GGT1: variants seen among roughly 807,000 people sequenced by gnomAD.
The protein encoded by GGT1 is gamma-glutamyltransferase 1.
In GGT1, 21 loss-of-function variants were observed where a neutral mutation model predicts 56.0. The ratio of observed to expected loss-of-function variants is 0.38; its 90% CI spans 0.27 to 0.54. The LOEUF (loss-of-function observed/expected upper bound fraction) is 0.54. Ranked by LOEUF, GGT1 falls within the 20% of genes least tolerant of loss-of-function variation. The pLI is 0.82. For synonymous variants in GGT1, 238 were observed against 342.6 expected, an observed-to-expected ratio of 0.69 and a Z score of 3.37; for missense variants, 466 against 787.0, an observed-to-expected ratio of 0.59 and a Z score of 4.88.
intron 4 of GGT1, among the ~76,000 whole-genome samples, 170 bp from the exon 5 acceptor site, chr22:24,610,905 T>C (rs910167471): frequency 6.6e-6 from 1 of 151,634 alleles, no homozygotes; most frequent in African/African-American, 2.4e-5. Context: ...GCAGAGGGCA[T>C]GGCCTGCGCA....
chr22:24,588,726 A>G, the GGT1 span: 5 of 1,060,934 alleles, frequency 4.7e-6, no homozygotes, highest in Non-Finnish European at 5.7e-6. Context: ...GCCGTGCTCC[A>G]CTGACGCCAA....
At chr22:24,606,393 A>G (rs185111400) in intron 1 of GGT1, among the ~76,000 whole-genome samples, 24 of 152,066 alleles carry the variant, frequency 1.6e-4, no homozygotes, top group Middle Eastern at 3.4e-3. Context: ...CATGTCTTAT[A>G]TGCTCTCAGG....
At position 24,605,214 on chromosome 22, in the gene GGT1, T is replaced by C. The variant is rs1389286175; in HGVS notation, c.-429+1687T>C. Among the ~76,000 whole-genome samples the C allele has an allele frequency of 6.3e-5, 4 of 63,570 alleles. 1 individual carries two copies. The highest frequency in any genetic ancestry group is 8.4e-4 in the East Asian group (2 of 2,386). The allele number at this position is 63,570 out of a possible 152,430, so 41.7% of individuals were successfully genotyped here. A position where few individuals can be genotyped will look rare whatever the true frequency, so the allele number is the denominator to read the frequency against. On this transcript the variant is annotated intron_variant, in intron 1 of 15. Transcript: ENST00000400382. ...ATAATATATAATATGTATTATATTA[T>C]ATATTATATAATATGTATTATATTA...
intron 1 of GGT1, among the ~76,000 whole-genome samples, chr22:24,603,956 T>C (rs2045867771): frequency 6.6e-6 from 1 of 151,890 alleles, no homozygotes; most frequent in Non-Finnish European, 1.5e-5. Context: ...TATAGGGATA[T>C]ATATAGTTCT....
intron 1 of GGT1, 89 bp downstream of exon 1, chr22:24,603,616 G>A (rs1433511200): frequency 8.5e-5 from 13 of 152,342 alleles, no homozygotes; most frequent in African/African-American, 2.7e-4. Context: ...GTTTGAGTGA[G>A]GTATGCGAGT....
the GGT1 span, chr22:24,589,452 G>T: frequency 1.2e-6 from 1 of 840,482 alleles, no homozygotes; most frequent in Non-Finnish European, 1.5e-6. Context: ...GGAATTCAGA[G>T]GCTAGGAGTT....
In GGT1 at chr22:24,628,616, A is replaced by G. The variant is rs1409702926; in HGVS notation, c.1564-77A>G. On this transcript the variant is annotated intron_variant, in intron 15 of 15. Coordinates refer to ENST00000400382, the MANE Select transcript of GGT1 (RefSeq NM_001288833.2). The surrounding 1 kb of genome is among the most constrained non-coding windows in gnomAD (Gnocchi z 5.7). ...GCCCGAAATGGCACCACCTGGGCTG[A>G]GGCCTGTGACCACACAGATGTGGTT... is the stretch of plus-strand genomic sequence containing the variant. The G allele has an allele frequency of 6.2e-7, 1 of 1,610,490 alleles. No homozygotes were observed. Among genetic ancestry groups the G allele is most frequent in the Non-Finnish European group, 8.5e-7 (1 of 1,179,638 alleles).
the GGT1 span, among the ~76,000 whole-genome samples, chr22:24,584,523 G>A: frequency 6.6e-6 from 1 of 152,292 alleles, no homozygotes; most frequent in East Asian, 1.9e-4. Context: ...AAGCTGTTAT[G>A]CATCCAGCCA....
chr22:24,597,364 G>A (rs531684091), intron 1 of GGT1, among the ~76,000 whole-genome samples: 77 of 152,236 alleles, frequency 5.1e-4, no homozygotes, highest in African/African-American at 1.7e-3. Flanking sequence ...GGTCGTGTGA[G>A]GAAAAACCAA....
At chr22:24,598,524 A>G (rs1363095951), upstream of GGT1, among the ~76,000 whole-genome samples, 1 of 151,780 alleles carries the variant, frequency 6.6e-6, no homozygotes, top group Non-Finnish European at 1.5e-5. Context: ...AGACTGGAAG[A>G]CTCCTAAGTA....
upstream of GGT1, chr22:24,598,286 A>G (rs1276635382): frequency 2.0e-5 from 3 of 151,978 alleles, no homozygotes. Flanking sequence ...AAAAGTACAA[A>G]ATAAGCTGGG....
chr22:24,587,493 G>A, the GGT1 span, among the ~76,000 whole-genome samples: 1,165 of 152,336 alleles, frequency 7.6e-3, 15 homozygotes, highest in African/African-American at 0.027. Flanking sequence ...CAAGCTCAGC[G>A]TGGCCTATTA....
intron 2 of GGT1, among the ~76,000 whole-genome samples, chr22:24,608,819 G>T (rs968310973): frequency 2.0e-5 from 3 of 152,120 alleles, no homozygotes; most frequent in Admixed American, 6.6e-5. Context: ...ACCATGCCTG[G>T]CTAATTTTTT....
upstream of GGT1, chr22:24,590,012 C>CTCG: frequency 2.0e-6 from 3 of 1,478,614 alleles, no homozygotes; most frequent in Middle Eastern, 3.6e-4. Flanking sequence ...GGCACCACCC[C>CTCG]AGCCAGCCAG....
chr22:24,617,573 C>T (rs897376194), intron 7 of GGT1, among the ~76,000 whole-genome samples: 5 of 151,864 alleles, frequency 3.3e-5, no homozygotes, highest in South Asian at 4.2e-4. Flanking sequence ...TTGGGTGTGA[C>T]GCTTGTGTAG....
rs368130035 is a variant in GGT1, at chr22:24,617,729, C to T, written c.383-2599C>T. Among the ~76,000 whole-genome samples, 29 of 152,092 alleles carry T rather than the reference C, an allele frequency of 1.9e-4. No individual in the cohort carries two copies. The East Asian group carries it at 4.3e-3, about 22-fold the overall frequency. The stretch of plus-strand genomic sequence containing the variant: ...ACGTTGAAGTTTGAGATGCTTTCTT[C>T]GAGCAGGCAGGTAGATCCTCAGGTC... On this transcript the variant is annotated intron_variant, in intron 7 of 15. Transcript: ENST00000400382.
intron 7 of GGT1, chr22:24,616,119 A>T (rs888433718): frequency 6.6e-6 from 1 of 152,168 alleles, no homozygotes; most frequent in Non-Finnish European, 1.5e-5. Flanking sequence ...GCCAAAAAAA[A>T]AAAAAAGGCT....
rs1437095885 is a variant in GGT1 at position 24,605,185 on chromosome 22, TTATATAA to T, written c.-429+1669_-429+1675del. Among the ~76,000 whole-genome samples the T allele has an allele frequency of 3.6e-5, 2 of 55,450 alleles. 1 individual carries two copies. Among genetic ancestry groups the T allele is most frequent in the African/African-American group, 2.5e-4 (2 of 8,120 alleles). 36.4% of individuals were successfully genotyped at this position (55,450 alleles called of 152,430 possible). A position where few individuals can be genotyped will look rare whatever the true frequency, so the allele number is the denominator to read the frequency against. On this transcript the variant is annotated intron_variant, in intron 1 of 15. Transcript: ENST00000400382. ...TATATATTATATAATATGTAATATA[TTATATAA>T]TATATAATATGTATTATATTATATA...
At chr22:24,591,723 T>G (rs2045573498), upstream of GGT1, among the ~76,000 whole-genome samples, 1 of 152,230 alleles carries the variant, frequency 6.6e-6, no homozygotes, top group Admixed American at 6.5e-5. Flanking sequence ...GTGCCTCTGG[T>G]TGTCTGGCTG....
Sources: allele counts gnomAD v4.1 joint callset (sites outside exome capture counted in the v4.1 genomes callset), GRCh38; gene constraint gnomAD v4.1.1; non-coding constraint Gnocchi (gnomAD v3.1); transcripts MANE v1.5; gene names NCBI Gene and HGNC (gene_info 2026-07-23, HGNC 2026-07-21).